The following RABGAP1 variants were observed in gnomAD, a reference collection of about 807,000 sequenced individuals.
The protein encoded by RABGAP1 is RAB GTPase activating protein 1.
RABGAP1 carries 23 observed loss-of-function variants against 137.6 expected under a neutral mutation model. That is an observed-to-expected ratio of 0.17 (90% CI 0.12 to 0.24). The LOEUF (loss-of-function observed/expected upper bound fraction) is 0.24. Ranked by LOEUF, RABGAP1 falls within the 10% of genes least tolerant of loss-of-function variation. The pLI is 1.00. For missense variants in RABGAP1, 906 were observed against 1,275.8 expected (o/e 0.71, Z 4.42); for synonymous variants, 451 against 450.7 (o/e 1.00, Z -0.01).
At chr9:123,044,479 C>T (rs900958989) in intron 13 of RABGAP1, among the ~76,000 whole-genome samples, 1 of 152,078 alleles carries the variant, frequency 6.6e-6, no homozygotes, top group African/African-American at 2.4e-5. Flanking sequence ...TTTTTGGTTT[C>T]CAGTCTGCTG....
At chr9:122,977,686 C>T (rs530043891) in intron 2 of RABGAP1, among the ~76,000 whole-genome samples, 35 of 151,644 alleles carry the variant, frequency 2.3e-4, no homozygotes, top group African/African-American at 7.0e-4. Context: ...TCAACCTGGG[C>T]GGCAGAATGA....
In RABGAP1 at chr9:122,986,449, A is replaced by G. The variant is rs146999404; in HGVS notation, c.590+30A>G. The stretch of plus-strand genomic sequence containing the variant: ...GACTGGTTTGTTGAAATCTTTCGAT[A>G]TTTACATCAGATCTCTGACCTGTTG... On this transcript the variant is annotated intron_variant, in intron 4 of 25. Transcript: ENST00000373647. 149 of 1,593,280 alleles carry G rather than the reference A, an allele frequency of 9.4e-5. 1 individual carries two copies. The East Asian group carries it at 3.3e-3, about 35-fold the overall frequency.
chr9:123,078,798 A>G (rs117280260), intron 19 of RABGAP1, among the ~76,000 whole-genome samples: 1,722 of 152,154 alleles, frequency 0.011, 23 homozygotes, highest in Non-Finnish European at 0.018. Flanking sequence ...TCGTCAGAAT[A>G]TATCCTGACT....
At chr9:123,044,818 A>T (rs945935521) in intron 13 of RABGAP1, among the ~76,000 whole-genome samples, 9 of 152,206 alleles carry the variant, frequency 5.9e-5, no homozygotes, top group African/African-American at 1.7e-4. Context: ...GGCTAGGCTC[A>T]GGGTGGAGTA....
rs775226641 is a variant in RABGAP1, at chr9:123,103,227, C to G, written c.*14C>G. Reference sequence around the variant, plus strand: ...GAGACTTGCTGAGAGCAGCTGCCGCCTCCCGACACCTTCAGAAAACACGAC... The same window carrying G: ...GAGACTTGCTGAGAGCAGCTGCCGCGTCCCGACACCTTCAGAAAACACGAC... On this transcript the variant is annotated 3_prime_UTR_variant, in exon 26 of 26. Coordinates refer to ENST00000373647, the MANE Select transcript of RABGAP1 (RefSeq NM_012197.4). 1 of 1,612,784 alleles carries G rather than the reference C, an allele frequency of 6.2e-7. No individual in the cohort carries two copies. The highest frequency in any genetic ancestry group is 1.3e-5 in the African/African-American group (1 of 74,966).
chr9:122,974,415 CTTTT>C (rs11331973), intron 2 of RABGAP1, among the ~76,000 whole-genome samples: 7 of 58,218 alleles, frequency 1.2e-4, no homozygotes, highest in African/African-American at 2.1e-4. Context: ...ATGGCTTTGT[CTTTT>C]TTTTTTTTTT....
At chr9:122,937,742 C>T (rs1833410052), upstream of RABGAP1, 1 of 151,736 alleles carries the variant, frequency 6.6e-6, no homozygotes, top group Admixed American at 6.6e-5. Flanking sequence ...GCCGGTAATC[C>T]CAGCACTTTG....
chr9:123,056,748 T>G (rs2033717364), intron 13 of RABGAP1, among the ~76,000 whole-genome samples: 1 of 152,154 alleles, frequency 6.6e-6, no homozygotes, highest in South Asian at 2.1e-4. Context: ...CTTAATCCAT[T>G]TAACCCTGAG....
chr9:123,053,227 A>G (rs554799687), intron 13 of RABGAP1, among the ~76,000 whole-genome samples: 2 of 152,228 alleles, frequency 1.3e-5, no homozygotes, highest in Non-Finnish European at 2.9e-5. Context: ...TAACATTTCC[A>G]GATTTTGCAG....
chr9:122,984,428 A>G, intron 2 of RABGAP1, 57 bp from the exon 3 acceptor site: 1 of 1,416,510 alleles, frequency 7.1e-7, no homozygotes, highest in South Asian at 1.2e-5. Context: ...AACCCATTTT[A>G]ATCAATACTG....
chr9:123,041,723 T>C (rs2032961945), intron 13 of RABGAP1, among the ~76,000 whole-genome samples: 2 of 152,210 alleles, frequency 1.3e-5, no homozygotes, highest in Non-Finnish European at 2.9e-5. Context: ...ACAGAGCTGC[T>C]TTCTAAAGTC....
chr9:122,983,559 A>C (rs1258033017), intron 2 of RABGAP1, among the ~76,000 whole-genome samples: 1 of 152,132 alleles, frequency 6.6e-6, no homozygotes, highest in Non-Finnish European at 1.5e-5. Context: ...TGTTATTGGA[A>C]TATTGCTTCC....
At chr9:123,098,892 C>T in intron 23 of RABGAP1, 94 bp downstream of exon 23, 1 of 651,762 alleles carries the variant, frequency 1.5e-6, no homozygotes, top group South Asian at 1.8e-5. Context: ...AACCCAAATG[C>T]AAGCACCCTG....
In RABGAP1 at chr9:123,101,611, G is replaced by C. The variant is rs2035348169; in HGVS notation, c.2935G>C (p.Glu979Gln). Residue 979 changes from glutamate (E) to glutamine (Q), a missense_variant, in exon 25 of 26, where the codon GAA becomes CAA. Glu to Gln is a conservative substitution (Grantham distance 29, BLOSUM62 2). Transcript: ENST00000373647. ...GCGGTGCCGGGAATTTTTCAACAAA[G>C]AAGGGCGTGTAAAAGGCATAAGCTC... ...CERCREFFNKEGRVKGISSTK... is the reference protein window; with the variant it reads ...CERCREFFNKQGRVKGISSTK... 1 of 1,614,092 alleles carries C rather than the reference G, an allele frequency of 6.2e-7. No homozygotes were observed. The highest frequency in any genetic ancestry group is 8.5e-7 in the Non-Finnish European group (1 of 1,179,982).
At chr9:122,977,322 T>A (rs773833033) in intron 2 of RABGAP1, among the ~76,000 whole-genome samples, 21 of 152,136 alleles carry the variant, frequency 1.4e-4, no homozygotes, top group Non-Finnish European at 2.5e-4. Context: ...ATAGGATTTG[T>A]GAGTTATATG....
chr9:122,932,791 C>G, the RABGAP1 span, among the ~76,000 whole-genome samples: 1 of 152,200 alleles, frequency 6.6e-6, no homozygotes, highest in Non-Finnish European at 1.5e-5. Flanking sequence ...CTTGGCCTCC[C>G]AAAGTGCTGG....
At chr9:123,009,984 G>A (rs1271481381) in intron 10 of RABGAP1, among the ~76,000 whole-genome samples, 1 of 152,188 alleles carries the variant, frequency 6.6e-6, no homozygotes, top group Non-Finnish European at 1.5e-5. Context: ...CTTGAAGGAT[G>A]CCTTCACTAA....
At position 122,941,636 on chromosome 9, in the gene RABGAP1, C is replaced by T. The variant is rs188972732; in HGVS notation, c.-50+543C>T. On this transcript the variant is annotated intron_variant, in intron 1 of 25. Coordinates refer to ENST00000373647, the MANE Select transcript of RABGAP1 (RefSeq NM_012197.4). ...GGTTGGTCTTTCAGTCTCATTTCCC[C>T]GTCTGCAATTAAAGCGTTCTTGGCA... Among the ~76,000 whole-genome samples the T allele has an allele frequency of 2.6e-3, 389 of 152,322 alleles. 1 individual carries two copies. The highest frequency in any genetic ancestry group is 4.2e-3 in the Non-Finnish European group (284 of 68,034).
intron 10 of RABGAP1, among the ~76,000 whole-genome samples, chr9:123,000,329 A>G (rs891726749): frequency 3.9e-5 from 6 of 152,022 alleles, no homozygotes; most frequent in African/African-American, 1.5e-4. Context: ...TAGCAGCTAA[A>G]ATCTCTGTTC....
Sources: gnomAD v4.1 joint callset for allele counts (sites outside exome capture counted in the v4.1 genomes callset) on GRCh38, gnomAD v4.1.1 for gene constraint, MANE v1.5 for transcripts, NCBI Gene and HGNC (gene_info 2026-07-23, HGNC 2026-07-21) for gene names.